Variants in DOCK8 observed in about 807,000 individuals in gnomAD.
DOCK8 encodes dedicator of cytokinesis protein 8.
A neutral mutation model predicts 245.6 loss-of-function variants in DOCK8; 141 were observed. The ratio of observed to expected loss-of-function variants is 0.57; its 90% CI spans 0.50 to 0.66. DOCK8 has a LOEUF of 0.66. DOCK8 is among the 30% of genes least tolerant of loss of function. DOCK8 has a pLI of 0.00. For synonymous variants in DOCK8, 1,168 were observed against 970.2 expected, an observed-to-expected ratio of 1.20 and a Z score of -3.79; for missense variants, 2,965 against 2,603.4, an observed-to-expected ratio of 1.14 and a Z score of -3.02.
At chr9:269,005 A>G (rs975497585) in intron 1 of DOCK8, among the ~76,000 whole-genome samples, 4 of 152,150 alleles carry the variant, frequency 2.6e-5, no homozygotes, top group Non-Finnish European at 2.9e-5. Context: ...TGTCACACTA[A>G]TTTTTTGCCT....
At chr9:301,964 A>T (rs1045620633) in intron 4 of DOCK8, among the ~76,000 whole-genome samples, 1 of 152,024 alleles carries the variant, frequency 6.6e-6, no homozygotes, top group African/African-American at 2.4e-5. Context: ...CTTAATTAGC[A>T]ACATCATTTT....
chr9:254,782 C>T (rs377552433), intron 1 of DOCK8, among the ~76,000 whole-genome samples: 2 of 152,134 alleles, frequency 1.3e-5, no homozygotes, highest in African/African-American at 4.8e-5. Context: ...GTTTCTCAGT[C>T]GGGTTTTCCA....
rs1887958 is a variant in DOCK8, at chr9:442,030, C to T, written c.5490+21C>T. On this transcript the variant is annotated intron_variant, in intron 42 of 47. Transcript: ENST00000432829. Reference sequence around the variant, plus strand: ...TAGAGGTAAGAAAAGTGATTCTGTGCGCCTGACCTGGTACACTTTACAAAA... The same window carrying T: ...TAGAGGTAAGAAAAGTGATTCTGTGTGCCTGACCTGGTACACTTTACAAAA... 0.31 allele frequency: 496,107 copies of T among 1,612,248 alleles called. 81,173 individuals carry two copies. Among genetic ancestry groups the T allele is most frequent in the East Asian group, 0.54 (24,150 of 44,820 alleles).
At chr9:390,049 CACCA>C (rs928138968) in intron 23 of DOCK8, among the ~76,000 whole-genome samples, 1 of 151,248 alleles carries the variant, frequency 6.6e-6, no homozygotes, top group African/African-American at 2.4e-5. Context: ...GAACTGCTGC[CACCA>C]ACCAACTGAT....
Position 247,847 on chromosome 9 carries a change from C to T in DOCK8, c.54-23780C>T, listed in dbSNP as rs200537022. Among the ~76,000 whole-genome samples, 11 of 152,096 alleles carry T rather than the reference C, an allele frequency of 7.2e-5. No homozygotes were observed. The East Asian group carries it at 2.1e-3, about 29-fold the overall frequency. On this transcript the variant is annotated intron_variant, in intron 1 of 47. Transcript: ENST00000432829. The stretch of plus-strand genomic sequence containing the variant: ...ATGTTTGTTTCAAAAGTGTGTTAGT[C>T]TCTAAGGAAATGAATACTTCCAGAC...
chr9:452,376 T>G (rs905849538), intron 46 of DOCK8: 2 of 255,164 alleles, frequency 7.8e-6, no homozygotes, highest in Non-Finnish European at 1.5e-5. Flanking sequence ...AATGAGTAAC[T>G]AACACGTCAA....
intron 4 of DOCK8, among the ~76,000 whole-genome samples, chr9:294,393 G>C (rs751300193): frequency 1.3e-5 from 2 of 152,080 alleles, no homozygotes; most frequent in Non-Finnish European, 2.9e-5. Context: ...TTACCAACTG[G>C]GCATTAAACT....
chr9:419,988 C>T, intron 30 of DOCK8: 1 of 279,022 alleles, frequency 3.6e-6, no homozygotes, highest in East Asian at 8.4e-5. Flanking sequence ...TCCTTCTCCC[C>T]TGTAAGTCTA....
chr9:244,285 C>G (rs2047451577), intron 1 of DOCK8, among the ~76,000 whole-genome samples: 1 of 151,672 alleles, frequency 6.6e-6, no homozygotes, highest in African/African-American at 2.4e-5. Flanking sequence ...ACCACACACA[C>G]ACACACACGC....
intron 26 of DOCK8, among the ~76,000 whole-genome samples, chr9:400,186 T>TTCACCA (rs1433164232): frequency 1.7e-5 from 1 of 57,484 alleles, no homozygotes; most frequent in Non-Finnish European, 3.5e-5. Flanking sequence ...CACCACCTCC[T>TTCACCA]TCACCATCAC....
rs774511378 is a variant in DOCK8 at position 317,123 on chromosome 9, C to G, written c.822C>G (p.Thr274=). 2.5e-6 allele frequency: 4 copies of G among 1,612,288 alleles called. No individual in the cohort carries two copies. The Admixed American group carries it at 5.0e-5, about 20-fold the overall frequency. The change falls in exon 7 of 48, where the codon ACC becomes ACG. Residue 274 remains threonine (T), a synonymous_variant. Coordinates refer to ENST00000432829, the MANE Select transcript of DOCK8 (RefSeq NM_203447.4). ...ACAGAATATTGGTCAAGTTGCTGAC[C>G]TTGAAGTAAGTATCAACAAACACAC... ...LGNRILVKLL[T]LKFEIEIEPL...
intron 29 of DOCK8, among the ~76,000 whole-genome samples, chr9:417,736 T>C (rs1389721044): frequency 1.3e-5 from 2 of 152,246 alleles, no homozygotes; most frequent in Admixed American, 1.3e-4. Flanking sequence ...ATTGTAGGTG[T>C]CTTCTATTTG....
chr9:222,193 T>G (rs369168731), intron 1 of DOCK8, among the ~76,000 whole-genome samples: 2 of 151,342 alleles, frequency 1.3e-5, no homozygotes, highest in South Asian at 2.1e-4. Context: ...AGACCAGGAG[T>G]TTGAGGCTGC....
At chr9:311,349 G>C (rs1307256134) in intron 5 of DOCK8, among the ~76,000 whole-genome samples, 1 of 149,266 alleles carries the variant, frequency 6.7e-6, no homozygotes, top group African/African-American at 2.5e-5. Flanking sequence ...GGTTCAAGCA[G>C]TCTTCCTACC....
intron 30 of DOCK8, 123 bp downstream of exon 30, chr9:418,330 G>C: frequency 7.5e-7 from 1 of 1,332,272 alleles, no homozygotes. Flanking sequence ...GGAGTGCAGT[G>C]GCGCAATCTC....
At chr9:271,577 T>A in intron 1 of DOCK8, 50 bp from the exon 2 acceptor site, 1 of 1,372,244 alleles carries the variant, frequency 7.3e-7, no homozygotes, top group East Asian at 2.5e-5. Flanking sequence ...AAAATTGTGA[T>A]GATTTCCTAA....
chr9:300,562 T>G (rs935811556), intron 4 of DOCK8, among the ~76,000 whole-genome samples: 108 of 151,358 alleles, frequency 7.1e-4, no homozygotes, highest in African/African-American at 2.5e-3. Context: ...AAGTTTGTGA[T>G]TCAAAAAAAA....
intron 1 of DOCK8, among the ~76,000 whole-genome samples, chr9:242,279 C>T (rs2047391553): frequency 6.6e-6 from 1 of 152,130 alleles, no homozygotes; most frequent in African/African-American, 2.4e-5. Flanking sequence ...CAACCCAAGC[C>T]AATCAAAAAT....
At chr9:224,886 A>G (rs937988156) in intron 1 of DOCK8, among the ~76,000 whole-genome samples, 9 of 152,182 alleles carry the variant, frequency 5.9e-5, no homozygotes, top group Admixed American at 5.2e-4. Context: ...GTTAACATAA[A>G]TGTTGTTTTA....
Sources: gnomAD v4.1 joint callset for allele counts (sites outside exome capture counted in the v4.1 genomes callset) on GRCh38, gnomAD v4.1.1 for gene constraint, MANE v1.5 for transcripts, NCBI Gene and HGNC (gene_info 2026-07-23, HGNC 2026-07-21) for gene names.